HDAC7: variants seen among roughly 807,000 people sequenced by gnomAD.
HDAC7 encodes the protein histone deacetylase 7.
HDAC7 carries 26 observed loss-of-function variants against 115.5 expected under a neutral mutation model. That is an observed-to-expected ratio of 0.23 (90% confidence interval 0.16 to 0.31). The LOEUF (loss-of-function observed/expected upper bound fraction) is 0.31, where lower values mean the gene tolerates loss of function less well. HDAC7 is among the 10% of genes least tolerant of loss of function. The pLI, the probability that HDAC7 is intolerant of heterozygous loss-of-function variation, is 1.00. For missense variants in HDAC7, 1,068 were observed against 1,329.0 expected (o/e 0.80, Z 3.05); for synonymous variants, 564 against 550.9 (o/e 1.02, Z -0.33).
rs749732627 is a variant in HDAC7, at chr12:47,797,115, T to C, written c.605A>G (p.Tyr202Cys). The C allele has an allele frequency of 8.7e-6, 14 of 1,605,538 alleles. No homozygotes were observed. The highest frequency in any genetic ancestry group is 6.7e-5 in the East Asian group (3 of 44,750). Residue 202 changes from tyrosine to cysteine, a missense_variant, in exon 7 of 26, where the codon TAT (tyrosine) becomes TGT (cysteine). Coordinates refer to ENST00000080059, the MANE Select transcript of HDAC7 (RefSeq NM_015401.5). The surrounding 1 kb of genome is among the most constrained non-coding windows in gnomAD (Gnocchi z 5.5). ...TVSEPNLKLR[Y>C]KPKKSLERRK... is the part of the protein sequence containing the mutation. ...CCGCTCCAGGGACTTCTTGGGCTTA[T>C]AGCGCAGCTTCAGGTTGGGCTCAGA...
At position 47,783,855 on chromosome 12, in the gene HDAC7, G is replaced by A. The variant is rs1170006795; in HGVS notation, c.2962C>T (p.Pro988Ser). 1.1e-5 allele frequency: 17 copies of A among 1,611,566 alleles called. No homozygotes were observed. Among genetic ancestry groups the A allele is most frequent in the African/African-American group, 2.7e-5 (2 of 74,880 alleles). Residue 988 changes from proline (P) to serine (S), a missense_variant, in exon 26 of 26, where the codon CCT becomes TCT. Pro to Ser is a moderately conservative substitution (Grantham distance 74). This residue lies in a region of HDAC7 where 98 missense variants were observed against 123.9 expected (regional missense o/e 0.79). Coordinates refer to ENST00000080059, the MANE Select transcript of HDAC7 (RefSeq NM_015401.5). ...PSEQLVEEEEPMNL is the reference protein window; with the variant it reads ...PSEQLVEEEESMNL Reference sequence around the variant, plus strand: ...GTTCCAGAGCCTTAGAGATTCATAGGTTCTTCCTCCTCCACCAGCTGCTCC... The same window carrying A: ...GTTCCAGAGCCTTAGAGATTCATAGATTCTTCCTCCTCCACCAGCTGCTCC...
intron 7 of HDAC7, among the ~76,000 whole-genome samples, chr12:47,796,644 A>G (rs576852518): frequency 1.3e-5 from 2 of 152,084 alleles, no homozygotes; most frequent in East Asian, 3.9e-4. Flanking sequence ...GGCTGGTCTC[A>G]AACTCCTAAC....
chr12:47,815,651 G>A (rs529966038), intron 1 of HDAC7, among the ~76,000 whole-genome samples: 1 of 152,230 alleles, frequency 6.6e-6, no homozygotes, highest in South Asian at 2.1e-4. Flanking sequence ...TCACTCTATT[G>A]CCCAGGCTGG....
intron 1 of HDAC7, among the ~76,000 whole-genome samples, chr12:47,818,564 T>C (rs1944914787): frequency 6.6e-6 from 1 of 152,182 alleles, no homozygotes; most frequent in South Asian, 2.1e-4. Flanking sequence ...CTGCCAGCCC[T>C]ATAGCTGAAT....
At chr12:47,792,387 C>G (rs1276198341) in intron 13 of HDAC7, 1 of 355,376 alleles carries the variant, frequency 2.8e-6, no homozygotes, top group East Asian at 6.7e-5. Context: ...ATCTCACACA[C>G]GTGTCATGAA....
chr12:47,798,912 A>G lies in HDAC7; in HGVS notation c.131T>C (p.Val44Ala). 6.5e-7 allele frequency: 1 copy of G among 1,533,548 alleles called. No homozygotes were observed. The highest frequency in any genetic ancestry group is 8.7e-7 in the Non-Finnish European group (1 of 1,144,636). 95.0% of individuals were successfully genotyped at this position (1,533,548 alleles called of 1,614,324 possible). A position where few individuals can be genotyped will look rare whatever the true frequency, so the allele number is the denominator to read the frequency against. ...GGGCTCCACTGGGGGCCGCTGGCCC[A>G]CCCGCAGGTCCATGGGCTGCGGCTG... is the stretch of plus-strand genomic sequence containing the variant. Reference protein sequence around the residue: ...GPQPQPMDLRVGQRPPVEPPP... With the variant: ...GPQPQPMDLRAGQRPPVEPPP... The change falls in exon 3 of 26, where the codon GTG becomes GCG. Residue 44 changes from valine (V) to alanine (A), a missense_variant. Physicochemically the swap from Val to Ala is moderately conservative, Grantham distance 64 (BLOSUM62 0). Transcript: ENST00000080059. This position sits in a 1 kb window ranked among gnomAD's most constrained non-coding sequence, Gnocchi z 4.3.
At chr12:47,819,079 C>G (rs979473918) in intron 1 of HDAC7, 1 of 152,532 alleles carries the variant, frequency 6.6e-6, no homozygotes, top group Non-Finnish European at 1.5e-5. Context: ...TGCGGCGCCC[C>G]GCTTCCCGCG....
chr12:47,801,085 C>T (rs1565573230), intron 2 of HDAC7, among the ~76,000 whole-genome samples: 1 of 152,220 alleles, frequency 6.6e-6, no homozygotes, highest in African/African-American at 2.4e-5. Flanking sequence ...TTTTCCAAAT[C>T]CTACTCTTTG....
chr12:47,785,934 C>A, intron 22 of HDAC7, 49 bp from the exon 23 acceptor site: 2 of 1,520,420 alleles, frequency 1.3e-6, no homozygotes, highest in East Asian at 4.6e-5. Flanking sequence ...GGAGAGGTGA[C>A]CCTGTTCTCT....
chr12:47,818,337 T>C (rs1592078361), intron 1 of HDAC7, among the ~76,000 whole-genome samples: 1 of 152,334 alleles, frequency 6.6e-6, no homozygotes, highest in South Asian at 2.1e-4. Flanking sequence ...CCAGTCCCAA[T>C]AGGTCCAAGA....
Position 47,787,822 on chromosome 12 carries a change from A to T in HDAC7, c.2356-13T>A. ...TGCCAGCCCCTACCTGGAAAACAGG[A>T]GGCAAGAGAGACATGAGGACAGCAG... On this transcript the variant is annotated splice_polypyrimidine_tract_variant and intron_variant, in intron 20 of 25. Transcript: ENST00000080059. The T allele has an allele frequency of 1.9e-6, 3 of 1,607,786 alleles. No individual in the cohort carries two copies. In the South Asian group the frequency reaches 3.3e-5, roughly 18 times the overall value.
chr12:47,786,078 G>A, intron 22 of HDAC7, 193 bp from the exon 23 acceptor site: 1 of 603,110 alleles, frequency 1.7e-6, no homozygotes, highest in Non-Finnish European at 2.7e-6. Context: ...GCTCAGGGAG[G>A]TTAAGGGCCT....
In HDAC7 at chr12:47,792,335, C is replaced by A. The variant is rs1200938154; in HGVS notation, c.1679-331G>T. 1.2e-5 allele frequency: 5 copies of A among 406,304 alleles called. No homozygotes were observed. The East Asian group carries it at 2.4e-4, about 19-fold the overall frequency. The allele number at this position is 406,304 out of a possible 1,614,324, so 25.2% of individuals were successfully genotyped here. ...CAGGACTCGAGGGCCCAGCACCAGG[C>A]CCTCAAGTGCTCAGAGCAAAGCATG... On this transcript the variant is annotated intron_variant, in intron 13 of 25. Transcript: ENST00000080059.
At chr12:47,784,037 G>A (rs779465373) in intron 25 of HDAC7, 42 bp downstream of exon 25, 14 of 1,608,032 alleles carry the variant, frequency 8.7e-6, no homozygotes, top group Admixed American at 5.0e-5. Flanking sequence ...GGAATGAAGC[G>A]GTGGAGAGGC....
At chr12:47,799,028 A>G in intron 2 of HDAC7, 56 bp from the exon 3 acceptor site, 2 of 1,231,850 alleles carry the variant, frequency 1.6e-6, no homozygotes, top group South Asian at 3.4e-5. Context: ...CGGGGGCATG[A>G]TACAGCCTGA....
In HDAC7 at chr12:47,803,011, T is replaced by C. The variant is rs1031565821; in HGVS notation, c.20-737A>G. ...AGCCTCTTTCCCAGATAATCTGAGATAGAAATCTTTTCTTTTGGAAATGGC... is the reference window on the plus strand; with the variant it reads ...AGCCTCTTTCCCAGATAATCTGAGACAGAAATCTTTTCTTTTGGAAATGGC... On this transcript the variant is annotated intron_variant, in intron 1 of 25. Coordinates refer to ENST00000080059, the MANE Select transcript of HDAC7 (RefSeq NM_015401.5). This position sits in a 1 kb window ranked among gnomAD's most constrained non-coding sequence, Gnocchi z 4.0. Among the ~76,000 whole-genome samples the C allele has an allele frequency of 3.3e-5, 5 of 152,208 alleles. No homozygotes were observed. Among genetic ancestry groups the C allele is most frequent in the African/African-American group, 4.8e-5 (2 of 41,452 alleles).
chr12:47,785,001 C>G (rs3815137), intron 24 of HDAC7: 1 of 585,600 alleles, frequency 1.7e-6, no homozygotes, highest in Non-Finnish European at 3.0e-6. Flanking sequence ...TCCCAAGACG[C>G]AGCCCCCAAG....
rs758406590 is a variant in HDAC7 at position 47,791,724 on chromosome 12, G to A, written c.1813-18C>T. On this transcript the variant is annotated intron_variant, in intron 14 of 25. Coordinates refer to ENST00000080059, the MANE Select transcript of HDAC7 (RefSeq NM_015401.5). ...CGGAGACACTGAAAAGGGGACCACA[G>A]AGCTCTGAGCTCATGCTCGCCCCTT... 1 of 1,612,550 alleles carries A rather than the reference G, an allele frequency of 6.2e-7. No homozygotes were observed. Among genetic ancestry groups the A allele is most frequent in the Non-Finnish European group, 8.5e-7 (1 of 1,179,400 alleles).
chr12:47,784,782 G>C, intron 24 of HDAC7: 1 of 1,535,394 alleles, frequency 6.5e-7, no homozygotes, highest in Non-Finnish European at 8.7e-7. Context: ...CTGGAATCTG[G>C]CTCAGTGTGA....
Sources: gnomAD v4.1 joint callset for allele counts (sites outside exome capture counted in the v4.1 genomes callset) on GRCh38, gnomAD v4.1.1 for gene constraint, gnomAD v4.1.1 regional missense constraint, Gnocchi (gnomAD v3.1) non-coding constraint, MANE v1.5 for transcripts, NCBI Gene and HGNC (gene_info 2026-07-23, HGNC 2026-07-21) for gene names.